The following CDH18 variants were observed in gnomAD, a reference collection of about 807,000 sequenced individuals.
CDH18 encodes cadherin-18.
Under a neutral mutation model 67.9 loss-of-function variants are expected in CDH18, and 31 were observed. That is an observed-to-expected ratio of 0.46 (90% CI 0.34 to 0.62). CDH18 has a LOEUF of 0.62. Ranked by LOEUF, CDH18 falls within the 20% of genes least tolerant of loss-of-function variation. CDH18 has a pLI of 0.01. For synonymous variants in CDH18, 362 were observed against 347.2 expected (o/e 1.04, Z -0.48); for missense variants, 890 against 975.5 (o/e 0.91, Z 1.17).
chr5:19,595,648 C>T (rs929728467), intron 6 of CDH18, among the ~76,000 whole-genome samples: 1 of 152,120 alleles, frequency 6.6e-6, no homozygotes, highest in African/African-American at 2.4e-5. Flanking sequence ...ATTTGATAAA[C>T]TTCTAAAGAC....
At chr5:19,797,422 G>A (rs1776975242) in intron 3 of CDH18, among the ~76,000 whole-genome samples, 1 of 151,854 alleles carries the variant, frequency 6.6e-6, no homozygotes, top group African/African-American at 2.4e-5. Context: ...TATTTTCCAT[G>A]TAGCAAATCC....
intron 5 of CDH18, among the ~76,000 whole-genome samples, chr5:19,688,741 A>C (rs1016120389): frequency 1.3e-5 from 2 of 152,122 alleles, no homozygotes; most frequent in African/African-American, 2.4e-5. Context: ...AATGATATTA[A>C]AGAAGTTCCA....
chr5:19,627,877 GTGA>G (rs1458756546), intron 5 of CDH18, among the ~76,000 whole-genome samples: 1 of 152,180 alleles, frequency 6.6e-6, no homozygotes, highest in African/African-American at 2.4e-5. Flanking sequence ...GAAAGAACCA[GTGA>G]TGATATCAGA....
chr5:20,329,982 TA>T (rs1739012103), intron 1 of CDH18, among the ~76,000 whole-genome samples: 1 of 152,008 alleles, frequency 6.6e-6, no homozygotes. Context: ...AGAGAAGTCT[TA>T]TTTAGGAAAA....
chr5:20,289,982 A>G (rs1746986495), intron 1 of CDH18, among the ~76,000 whole-genome samples: 1 of 152,154 alleles, frequency 6.6e-6, no homozygotes, highest in South Asian at 2.1e-4. Context: ...ATTAACAAAT[A>G]TAAATCTGGA....
chr5:20,280,053 A>G (rs1410690420), intron 1 of CDH18, among the ~76,000 whole-genome samples: 1 of 152,132 alleles, frequency 6.6e-6, no homozygotes, highest in African/African-American at 2.4e-5. Flanking sequence ...AACTAGAAAT[A>G]AAAAGCAAAA....
At chr5:20,308,446 G>C (rs914578728) in intron 1 of CDH18, among the ~76,000 whole-genome samples, 2 of 151,886 alleles carry the variant, frequency 1.3e-5, no homozygotes, top group Non-Finnish European at 2.9e-5. Context: ...GGGAGGCTGA[G>C]GTAGGAGAAT....
chr5:19,483,280 T>C (rs1739776597), intron 12 of CDH18, 21 bp downstream of exon 12: 1 of 1,596,152 alleles, frequency 6.3e-7, no homozygotes, highest in Admixed American at 1.7e-5. Flanking sequence ...TCATGCAAAC[T>C]TAGGGTTTAG....
At chr5:20,536,239 A>T (rs957604462) in intron 1 of CDH18, among the ~76,000 whole-genome samples, 3 of 152,058 alleles carry the variant, frequency 2.0e-5, no homozygotes, top group Admixed American at 2.0e-4. Flanking sequence ...TGTTAACGTG[A>T]ATTTTTTATC....
At chr5:19,852,053 C>T (rs1783769248) in intron 2 of CDH18, among the ~76,000 whole-genome samples, 1 of 152,004 alleles carries the variant, frequency 6.6e-6, no homozygotes, top group South Asian at 2.1e-4. Context: ...TCACTTGTAT[C>T]ATGTCAACTT....
At chr5:19,895,266 G>A (rs1561520249) in intron 2 of CDH18, among the ~76,000 whole-genome samples, 1 of 152,130 alleles carries the variant, frequency 6.6e-6, no homozygotes, top group Admixed American at 6.6e-5. Flanking sequence ...AAACTGGTAA[G>A]GCTTTCAATA....
intron 5 of CDH18, among the ~76,000 whole-genome samples, chr5:19,705,645 A>T (rs1220392645): frequency 1.3e-5 from 2 of 152,150 alleles, no homozygotes; most frequent in Admixed American, 1.3e-4. Flanking sequence ...GATCTTGTAG[A>T]GTGGCTTTTT....
At chr5:19,823,939 A>T (rs1420131779) in intron 3 of CDH18, among the ~76,000 whole-genome samples, 1 of 152,186 alleles carries the variant, frequency 6.6e-6, no homozygotes, top group Non-Finnish European at 1.5e-5. Context: ...AAAACCACAC[A>T]ATTACATGAA....
chr5:19,725,970 T>C (rs77328446), intron 4 of CDH18, among the ~76,000 whole-genome samples: 3,644 of 152,228 alleles, frequency 0.024, 113 homozygotes, highest in African/African-American at 0.073. Context: ...CCTAAATAGT[T>C]TTTAATGTCC....
chr5:20,458,140 CAG>C (rs2150218223), intron 1 of CDH18, among the ~76,000 whole-genome samples: 2 of 152,200 alleles, frequency 1.3e-5, no homozygotes, highest in South Asian at 4.1e-4. Context: ...GTTTTTGAGA[CAG>C]AGTATATCTC....
chr5:19,960,221 G>A (rs1188036670), intron 2 of CDH18, among the ~76,000 whole-genome samples: 1 of 151,936 alleles, frequency 6.6e-6, no homozygotes, highest in Non-Finnish European at 1.5e-5. Context: ...ACGTTTGAGT[G>A]TTTTAAATAA....
chr5:19,579,086 A>T lies in CDH18; in HGVS notation c.1000-7254T>A, dbSNP rs187095309. Among the ~76,000 whole-genome samples, 303 of 151,974 alleles carry T rather than the reference A, an allele frequency of 2.0e-3. 1 individual carries two copies. The Middle Eastern group carries it at 0.024, about 12-fold the overall frequency. On this transcript the variant is annotated intron_variant, in intron 7 of 12. Coordinates refer to ENST00000382275, the MANE Select transcript of CDH18 (RefSeq NM_004934.5). ...AGAGAATGATTTATTAAATCTATCAACCTCCTTATTAATTACATTATTTGA... is the reference window on the plus strand; with the variant it reads ...AGAGAATGATTTATTAAATCTATCATCCTCCTTATTAATTACATTATTTGA...
chr5:19,677,121 CA>C (rs982509869), intron 5 of CDH18, among the ~76,000 whole-genome samples: 15 of 151,806 alleles, frequency 9.9e-5, no homozygotes, highest in Non-Finnish European at 1.9e-4. Context: ...TCTCCAAGGC[CA>C]AAATGAAAGA....
At chr5:20,423,477 T>A (rs34555900) in intron 1 of CDH18, among the ~76,000 whole-genome samples, 34,081 of 150,806 alleles carry the variant, frequency 0.23, 4,530 homozygotes, top group East Asian at 0.3. Flanking sequence ...AAACTGTGTC[T>A]TGAAAGTCAA....
Sources: gnomAD v4.1 joint callset for allele counts (sites outside exome capture counted in the v4.1 genomes callset) on GRCh38, gnomAD v4.1.1 for gene constraint, MANE v1.5 for transcripts, NCBI Gene and HGNC (gene_info 2026-07-23, HGNC 2026-07-21) for gene names.